Variants in SERPINB7 observed in about 807,000 individuals in gnomAD.
The protein encoded by SERPINB7 is serpin B7.
SERPINB7 carries 31 observed loss-of-function variants against 37.4 expected under a neutral mutation model. That is an observed-to-expected ratio of 0.83 (90% CI 0.62 to 1.12). The LOEUF (loss-of-function observed/expected upper bound fraction) is 1.12, where lower values mean the gene tolerates loss of function less well. SERPINB7 is among the 50% of genes most tolerant of loss of function. The pLI is 0.00. For synonymous variants in SERPINB7, 163 were observed against 166.1 expected (o/e 0.98, Z 0.14); for missense variants, 521 against 455.3 (o/e 1.14, Z -1.31).
intron 1 of SERPINB7, among the ~76,000 whole-genome samples, chr18:63,758,871 G>A (rs2049136719): frequency 6.6e-6 from 1 of 152,236 alleles, no homozygotes; most frequent in Non-Finnish European, 1.5e-5. Context: ...AGCGTGAAGA[G>A]CAAGAACTGT....
chr18:63,786,590 A>G (rs1010695675), intron 2 of SERPINB7, among the ~76,000 whole-genome samples: 12 of 150,006 alleles, frequency 8.0e-5, no homozygotes, highest in Admixed American at 6.7e-5. Flanking sequence ...ATATGCAGGT[A>G]GAAGCCCAAG....
intron 2 of SERPINB7, among the ~76,000 whole-genome samples, chr18:63,791,662 G>T (rs190268251): frequency 6.6e-6 from 1 of 151,820 alleles, no homozygotes; most frequent in African/African-American, 2.4e-5. Flanking sequence ...CCAGGCTGGA[G>T]TGCAGTGGTG....
rs753799853 is a variant in SERPINB7, at chr18:63,798,729, C to T, written c.580C>T (p.His194Tyr). 13 of 1,612,262 alleles carry T rather than the reference C, an allele frequency of 8.1e-6. No individual in the cohort carries two copies. Among genetic ancestry groups the T allele is most frequent in the Non-Finnish European group, 1.0e-5 (12 of 1,179,474 alleles). Reference protein sequence around the residue: ...AFTKSETINCHFKSPKCSGKA... With the variant: ...AFTKSETINCYFKSPKCSGKA... ...CACCAAGAGCGAAACCATAAATTGC[C>T]ATTTCAAATCTCCCAAGGTATGTCG... Residue 194 changes from histidine to tyrosine, a missense_variant, in exon 6 of 8, where the codon CAT (histidine) becomes TAT (tyrosine). Transcript: ENST00000398019.
chr18:63,804,644 T>A lies in SERPINB7; in HGVS notation c.*9T>A, dbSNP rs746620786. ...AAGTTTCTTGCCCTTGAAAATCCAA[T>A]TGGTTTCTGTTATAGCAGTCCCCAC... On this transcript the variant is annotated 3_prime_UTR_variant, in exon 8 of 8. Transcript: ENST00000398019. 1.3e-5 allele frequency: 21 copies of A among 1,595,978 alleles called. No homozygotes were observed. The highest frequency in any genetic ancestry group is 8.5e-7 in the Non-Finnish European group (1 of 1,171,144).
chr18:63,801,446 C>T (rs989910222), intron 7 of SERPINB7, among the ~76,000 whole-genome samples: 1 of 152,158 alleles, frequency 6.6e-6, no homozygotes, highest in Admixed American at 6.6e-5. Context: ...AAGAGGGTCT[C>T]CCTGCCTGCT....
intron 1 of SERPINB7, among the ~76,000 whole-genome samples, chr18:63,778,906 T>C (rs924710678): frequency 2.2e-4 from 33 of 152,282 alleles, no homozygotes; most frequent in African/African-American, 7.7e-4. Context: ...AAATTATAAA[T>C]TAATTGCATG....
intron 1 of SERPINB7, among the ~76,000 whole-genome samples, chr18:63,760,908 GAACCTTTGCT>G (rs1397947231): frequency 2.0e-5 from 3 of 152,246 alleles, no homozygotes; most frequent in Admixed American, 1.3e-4. Context: ...CTCTCATGGA[GAACCTTTGCT>G]AGGGCAGTGC....
chr18:63,782,275 T>C (rs2049307872), intron 1 of SERPINB7, 80 bp from the exon 2 acceptor site: 1 of 937,540 alleles, frequency 1.1e-6, no homozygotes. Context: ...CTTTAAATTA[T>C]AAAAAATAAA....
At chr18:63,766,557 G>T (rs554407454) in intron 1 of SERPINB7, among the ~76,000 whole-genome samples, 8 of 152,188 alleles carry the variant, frequency 5.3e-5, no homozygotes, top group South Asian at 2.1e-4. Context: ...GGTCTAGTTT[G>T]CACTTGAAGG....
chr18:63,786,804 A>C (rs1194200892), intron 2 of SERPINB7, among the ~76,000 whole-genome samples: 2 of 152,196 alleles, frequency 1.3e-5, no homozygotes, highest in Admixed American at 6.5e-5. Context: ...AGATAGAAAC[A>C]CCAAAGAATT....
intron 2 of SERPINB7, among the ~76,000 whole-genome samples, chr18:63,787,479 G>A (rs2049384145): frequency 6.6e-6 from 1 of 152,096 alleles, no homozygotes; most frequent in African/African-American, 2.4e-5. Context: ...TATTCAAAAA[G>A]TTAAGGAGAA....
chr18:63,797,155 G>T (rs2144639597), intron 5 of SERPINB7, among the ~76,000 whole-genome samples: 1 of 152,216 alleles, frequency 6.6e-6, no homozygotes, highest in South Asian at 2.1e-4. Flanking sequence ...AAAGCTAGTA[G>T]TTGTTTCATT....
chr18:63,782,038 C>T (rs1284383315), intron 1 of SERPINB7, among the ~76,000 whole-genome samples: 1 of 152,122 alleles, frequency 6.6e-6, no homozygotes, highest in Non-Finnish European at 1.5e-5. Flanking sequence ...TACTTTTGCT[C>T]TATTTCAGTT....
At chr18:63,762,783 T>C (rs955441393) in intron 1 of SERPINB7, among the ~76,000 whole-genome samples, 3 of 152,256 alleles carry the variant, frequency 2.0e-5, no homozygotes, top group Non-Finnish European at 4.4e-5. Context: ...TTTAATGTGA[T>C]GACATCTTTC....
At position 63,804,409 on chromosome 18, in the gene SERPINB7, A is replaced by T. The variant is rs771163105; in HGVS notation, c.917A>T (p.Asp306Val). The T allele has an allele frequency of 2.5e-6, 4 of 1,613,760 alleles. No individual in the cohort carries two copies. Among genetic ancestry groups the T allele is most frequent in the Non-Finnish European group, 2.5e-6 (3 of 1,179,846 alleles). ...LKDIFDESKA[D>V]LSGIASGGRL... The stretch of plus-strand genomic sequence containing the variant: ...GATATCTTTGATGAATCCAAAGCAG[A>T]TCTCTCTGGGATTGCTTCGGGGGGT... Residue 306 changes from aspartate to valine, a missense_variant, in exon 8 of 8, where the codon GAT becomes GTT. Transcript: ENST00000398019.
At chr18:63,757,044 G>C (rs1020226538) in intron 1 of SERPINB7, among the ~76,000 whole-genome samples, 2 of 151,966 alleles carry the variant, frequency 1.3e-5, no homozygotes, top group African/African-American at 4.8e-5. Context: ...CTGTTCATGT[G>C]CTTAGCCCAC....
chr18:63,778,937 A>G (rs552838953), intron 1 of SERPINB7, among the ~76,000 whole-genome samples: 6 of 152,218 alleles, frequency 3.9e-5, no homozygotes, highest in Non-Finnish European at 8.8e-5. Context: ...AAGCTAAAAT[A>G]TTTATGCAAG....
chr18:63,765,565 T>A (rs920440899), intron 1 of SERPINB7, among the ~76,000 whole-genome samples: 2 of 152,126 alleles, frequency 1.3e-5, no homozygotes, highest in Admixed American at 1.3e-4. Flanking sequence ...AAAATTCAAA[T>A]TCTTTCTGAT....
chr18:63,777,574 T>G (rs1427930847), intron 1 of SERPINB7, among the ~76,000 whole-genome samples: 2 of 152,084 alleles, frequency 1.3e-5, no homozygotes, highest in Non-Finnish European at 2.9e-5. Context: ...ATGCTAAAAT[T>G]TGATTCATTA....
Sources: gnomAD v4.1 joint callset for allele counts (sites outside exome capture counted in the v4.1 genomes callset) on GRCh38, gnomAD v4.1.1 for gene constraint, MANE v1.5 for transcripts, NCBI Gene and HGNC (gene_info 2026-07-23, HGNC 2026-07-21) for gene names.